AVEN: variants seen among roughly 807,000 people sequenced by gnomAD.
The protein encoded by AVEN is apoptosis and caspase activation inhibitor, also known as cell death regulator Aven.
Under a neutral mutation model 38.1 loss-of-function variants are expected in AVEN, and 41 were observed. The ratio of observed to expected loss-of-function variants is 1.08; its 90% CI spans 0.84 to 1.40. AVEN has a LOEUF of 1.40. AVEN is among the 40% of genes most tolerant of loss of function. AVEN has a pLI of 0.00. For missense variants in AVEN, 605 were observed against 438.8 expected, an observed-to-expected ratio of 1.38 and a Z score of -3.38; for synonymous variants, 206 against 171.8, an observed-to-expected ratio of 1.20 and a Z score of -1.56.
At chr15:33,943,448 T>G in intron 2 of AVEN, among the ~76,000 whole-genome samples, 1 of 146,496 alleles carries the variant, frequency 6.8e-6, no homozygotes, top group African/African-American at 2.5e-5. Flanking sequence ...TGTCAGGGGC[T>G]GGGAGGGAGG....
downstream of AVEN, chr15:33,854,981 T>G: frequency 7.0e-7 from 1 of 1,437,362 alleles, no homozygotes; most frequent in South Asian, 1.4e-5. Flanking sequence ...CAGCAGGTAG[T>G]ATACAGTATA....
intron 2 of AVEN, among the ~76,000 whole-genome samples, chr15:33,961,598 G>T (rs1033359281): frequency 6.6e-6 from 1 of 151,788 alleles, no homozygotes; most frequent in African/African-American, 2.4e-5. Context: ...CGAATCACGA[G>T]GTCAGGAGAT....
At chr15:33,980,416 A>C (rs939873140) in intron 2 of AVEN, among the ~76,000 whole-genome samples, 1 of 152,186 alleles carries the variant, frequency 6.6e-6, no homozygotes, top group African/African-American at 2.4e-5. Flanking sequence ...CAAGGCTGTT[A>C]TAGTACCGTC....
intron 2 of AVEN, among the ~76,000 whole-genome samples, chr15:33,898,183 C>A (rs7402331): frequency 3.9e-5 from 6 of 152,106 alleles, no homozygotes; most frequent in East Asian, 1.9e-4. Flanking sequence ...TGCGAGACTC[C>A]GTCTCAAAAC....
At chr15:33,891,192 C>T (rs1418434230) in intron 2 of AVEN, among the ~76,000 whole-genome samples, 2 of 151,576 alleles carry the variant, frequency 1.3e-5, no homozygotes, top group African/African-American at 4.8e-5. Context: ...GAAATTTATC[C>T]CCACAGAAAT....
intron 1 of AVEN, among the ~76,000 whole-genome samples, chr15:34,071,860 A>G (rs148641694): frequency 6.6e-6 from 1 of 152,386 alleles, no homozygotes; most frequent in Non-Finnish European, 1.5e-5. Flanking sequence ...TACCCAAAAG[A>G]TAGGACTTAT....
downstream of AVEN, chr15:33,864,242 G>T: frequency 1.4e-6 from 2 of 1,416,478 alleles, no homozygotes; most frequent in Admixed American, 1.9e-5. Flanking sequence ...CCTAAATCTT[G>T]AGACTTAGTA....
rs561864352 is a variant in AVEN, at chr15:33,885,292, T to C, written c.446-9297A>G. Among the ~76,000 whole-genome samples, 21 of 152,230 alleles carry C rather than the reference T, an allele frequency of 1.4e-4. No homozygotes were observed. In the South Asian group the frequency reaches 4.1e-3, roughly 30 times the overall value. ...CTAATCTCATCTATGAAAGATGACA[T>C]ATTTGGAGGGTCAAGGTGGATCCTA... On this transcript the variant is annotated intron_variant, in intron 2 of 5. Coordinates refer to ENST00000306730, the MANE Select transcript of AVEN (RefSeq NM_020371.3).
At chr15:33,976,356 T>C (rs1895886523) in intron 2 of AVEN, among the ~76,000 whole-genome samples, 1 of 152,246 alleles carries the variant, frequency 6.6e-6, no homozygotes, top group Non-Finnish European at 1.5e-5. Flanking sequence ...GTGAGTAATG[T>C]CGCTTTTTTC....
At chr15:33,974,431 A>G (rs1215553731) in intron 2 of AVEN, among the ~76,000 whole-genome samples, 2 of 152,212 alleles carry the variant, frequency 1.3e-5, no homozygotes, top group Non-Finnish European at 2.9e-5. Context: ...GCCAACATAC[A>G]ATATACCAAC....
At chr15:33,860,521 A>T in intron 11 of AVEN, 3 of 844,058 alleles carry the variant, frequency 3.6e-6, no homozygotes, top group Non-Finnish European at 5.4e-6. Flanking sequence ...AGAACAAAGT[A>T]GCTTCTTCCT....
At chr15:33,863,952 G>A (rs1199640549), downstream of AVEN, among the ~76,000 whole-genome samples, 1 of 152,136 alleles carries the variant, frequency 6.6e-6, no homozygotes. Context: ...GGCTAATTTT[G>A]AGATTCATGT....
At chr15:33,912,079 A>C (rs1187516726) in intron 2 of AVEN, among the ~76,000 whole-genome samples, 1 of 152,270 alleles carries the variant, frequency 6.6e-6, no homozygotes, top group African/African-American at 2.4e-5. Context: ...AATAGAAATC[A>C]AAGAGATATG....
intron 2 of AVEN, among the ~76,000 whole-genome samples, chr15:33,982,284 T>A (rs1015883492): frequency 2.0e-5 from 3 of 152,140 alleles, no homozygotes; most frequent in Non-Finnish European, 4.4e-5. Context: ...TTGGCCCTAA[T>A]GCATTTTTCA....
intron 2 of AVEN, among the ~76,000 whole-genome samples, chr15:33,894,809 CA>C (rs796302436): frequency 0.09 from 1,574 of 17,410 alleles, 50 homozygotes; most frequent in African/African-American, 0.13. Context: ...GACACCATCT[CA>C]AAAAAAAAAA....
At chr15:33,898,322 G>A (rs1260532091) in intron 2 of AVEN, among the ~76,000 whole-genome samples, 4 of 152,204 alleles carry the variant, frequency 2.6e-5, no homozygotes, top group Admixed American at 6.5e-5. Flanking sequence ...CACACTATAT[G>A]CGTTTCCTAG....
intron 2 of AVEN, among the ~76,000 whole-genome samples, chr15:33,898,136 C>T (rs58893394): frequency 0.17 from 26,344 of 151,520 alleles, 5,995 homozygotes; most frequent in African/African-American, 0.53. Context: ...TTGCAGTGAG[C>T]CGAGATCGCA....
intron 1 of AVEN, among the ~76,000 whole-genome samples, chr15:34,028,750 A>G (rs116053091): frequency 0.018 from 2,798 of 152,252 alleles, 86 homozygotes; most frequent in African/African-American, 0.065. Context: ...AGGAAGTTTC[A>G]GTAACTTTCC....
chr15:34,073,088 T>G (rs1171149422), intron 1 of AVEN, among the ~76,000 whole-genome samples: 1 of 151,550 alleles, frequency 6.6e-6, no homozygotes, highest in Non-Finnish European at 1.5e-5. Context: ...TCGCCCAGGC[T>G]GGAGTGCAGT....
Sources: allele counts gnomAD v4.1 joint callset (sites outside exome capture counted in the v4.1 genomes callset), GRCh38; gene constraint gnomAD v4.1.1; transcripts MANE v1.5; gene names NCBI Gene and HGNC (gene_info 2026-07-23, HGNC 2026-07-21).